SWAP70: variants seen among roughly 807,000 people sequenced by gnomAD.
SWAP70 encodes the protein switching B cell complex subunit SWAP70, also known as switch-associated protein 70.
A neutral mutation model predicts 80.2 loss-of-function variants in SWAP70; 34 were observed. That is an observed-to-expected ratio of 0.42 (90% CI 0.32 to 0.56). SWAP70 has a LOEUF of 0.56. SWAP70 is among the 20% of genes least tolerant of loss of function. The probability of loss-of-function intolerance (pLI) is 0.09; values close to 1 mark genes in which losing one functional copy is unlikely to be tolerated. For synonymous variants in SWAP70, 239 were observed against 238.5 expected (o/e 1.00, Z -0.02); for missense variants, 578 against 690.7 (o/e 0.84, Z 1.83).
chr11:9,674,060 C>T (rs570639128), intron 1 of SWAP70, among the ~76,000 whole-genome samples: 143 of 152,136 alleles, frequency 9.4e-4, no homozygotes, highest in South Asian at 4.0e-3. Context: ...CCACCATACC[C>T]GGCTAATTTT....
At chr11:9,678,502 A>T (rs1196563247) in intron 1 of SWAP70, among the ~76,000 whole-genome samples, 2 of 144,524 alleles carry the variant, frequency 1.4e-5, no homozygotes, top group Admixed American at 1.4e-4. Context: ...TTTGGGAAAT[A>T]CATGTACTTT....
chr11:9,682,767 C>T (rs1346345962), intron 1 of SWAP70, among the ~76,000 whole-genome samples: 2 of 152,186 alleles, frequency 1.3e-5, no homozygotes, highest in Non-Finnish European at 2.9e-5. Flanking sequence ...ACCTCCGCCT[C>T]CCGGGTTCAA....
chr11:9,664,277 A>G lies in SWAP70; in HGVS notation c.98A>G (p.Lys33Arg), dbSNP rs1224419873. ...GGCAAGGTCTCCAAGTCCCAGCTCA[A>G]GGTGGGCGCCTCCTGACCCGGCCCC... ...HSGKVSKSQLKVLSHNLCTVL... is the reference protein window; with the variant it reads ...HSGKVSKSQLRVLSHNLCTVL... Residue 33 changes from lysine (K) to arginine (R), a missense_variant and splice_region_variant, in exon 1 of 12, where the codon AAG becomes AGG. By Grantham distance (26) the Lys-to-Arg change is conservative. Coordinates refer to ENST00000318950, the MANE Select transcript of SWAP70 (RefSeq NM_015055.4). The G allele has an allele frequency of 6.4e-7, 1 of 1,570,676 alleles. No homozygotes were observed. The highest frequency in any genetic ancestry group is 1.2e-5 in the South Asian group (1 of 85,168).
intron 9 of SWAP70, among the ~76,000 whole-genome samples, chr11:9,742,585 T>A (rs1037202038): frequency 1.3e-5 from 2 of 152,302 alleles, no homozygotes; most frequent in Middle Eastern, 3.4e-3. Context: ...TCCGCCTGTC[T>A]CGGTCTCCCA....
At chr11:9,737,060 A>G (rs917452812) in intron 7 of SWAP70, among the ~76,000 whole-genome samples, 1 of 152,208 alleles carries the variant, frequency 6.6e-6, no homozygotes, top group African/African-American at 2.4e-5. Flanking sequence ...CAACAAACCA[A>G]CAACACTTTT....
At chr11:9,717,971 T>C (rs1590035822) in intron 3 of SWAP70, among the ~76,000 whole-genome samples, 1 of 152,228 alleles carries the variant, frequency 6.6e-6, no homozygotes, top group African/African-American at 2.4e-5. Context: ...TTTCTGACTA[T>C]TGTGCCTAAG....
chr11:9,738,474 T>C (rs1046208670), intron 8 of SWAP70, among the ~76,000 whole-genome samples, 154 bp downstream of exon 8: 2 of 152,206 alleles, frequency 1.3e-5, no homozygotes, highest in Admixed American at 6.5e-5. Context: ...GTTTGTTCAT[T>C]CATTAATTAT....
In SWAP70 at chr11:9,666,297, G is replaced by A. The variant is rs192286843; in HGVS notation, c.99+2019G>A. On this transcript the variant is annotated intron_variant, in intron 1 of 11. Transcript: ENST00000318950. ...AACGGGGTTTCACCATGTTGGCCAG[G>A]CTGGTCTTGAACTCCTGAGCTCAGG... 7.2e-5 allele frequency among the ~76,000 whole-genome samples: 11 copies of A among 152,104 alleles called. No individual in the cohort carries two copies. In the East Asian group the frequency reaches 2.1e-3, roughly 29 times the overall value.
Position 9,714,928 on chromosome 11 carries a change from C to T in SWAP70, c.414+1289C>T, listed in dbSNP as rs146508724. 6.0e-3 allele frequency among the ~76,000 whole-genome samples: 899 copies of T among 149,338 alleles called. 4 individuals carry two copies. The highest frequency in any genetic ancestry group is 8.0e-3 in the Non-Finnish European group (542 of 67,590). Reference sequence around the variant, plus strand: ...CCCAGGTTCAAATGATTCTGCACCCCGCGGAGTAGCTGTGATTACAGGTGC... The same window carrying T: ...CCCAGGTTCAAATGATTCTGCACCCTGCGGAGTAGCTGTGATTACAGGTGC... On this transcript the variant is annotated intron_variant, in intron 3 of 11. Transcript: ENST00000318950.
chr11:9,702,703 G>A (rs1850848810), intron 2 of SWAP70, among the ~76,000 whole-genome samples: 1 of 152,140 alleles, frequency 6.6e-6, no homozygotes, highest in Non-Finnish European at 1.5e-5. Context: ...TTATAGGTGT[G>A]AGCCACTGCA....
chr11:9,671,688 A>T (rs1282990775), intron 1 of SWAP70, among the ~76,000 whole-genome samples: 5 of 109,782 alleles, frequency 4.6e-5, no homozygotes, highest in African/African-American at 7.3e-5. Flanking sequence ...AGAAATATAT[A>T]AATATATTTC....
At chr11:9,729,783 C>T (rs1851273246) in intron 6 of SWAP70, among the ~76,000 whole-genome samples, 1 of 152,074 alleles carries the variant, frequency 6.6e-6, no homozygotes, top group East Asian at 1.9e-4. Flanking sequence ...TGAGCCACTA[C>T]GCCTGGCCGA....
intron 2 of SWAP70, chr11:9,703,567 C>G (rs971917349): frequency 6.7e-6 from 3 of 450,398 alleles, no homozygotes; most frequent in Middle Eastern, 3.5e-4. Context: ...CCAGAGCTAA[C>G]CAGCTCTCCT....
intron 7 of SWAP70, among the ~76,000 whole-genome samples, chr11:9,733,720 G>T (rs1265508974): frequency 6.6e-6 from 1 of 152,020 alleles, no homozygotes; most frequent in East Asian, 1.9e-4. Context: ...CCCTTTAAAG[G>T]TTACGCTGAG....
rs533797778 is a variant in SWAP70 at position 9,706,560 on chromosome 11, T to G, written c.241-6906T>G. 2.0e-5 allele frequency among the ~76,000 whole-genome samples: 3 copies of G among 152,324 alleles called. No individual in the cohort carries two copies. In the South Asian group the frequency reaches 6.2e-4, roughly 32 times the overall value. On this transcript the variant is annotated intron_variant, in intron 2 of 11. Transcript: ENST00000318950. ...GCCTCAACCTCTTTGCTCTTCTCTT[T>G]TGTCATTTCCCTGCCTCCTCCCGAG... is the stretch of plus-strand genomic sequence containing the variant.
At chr11:9,675,626 C>T (rs1037393620) in intron 1 of SWAP70, among the ~76,000 whole-genome samples, 5 of 151,896 alleles carry the variant, frequency 3.3e-5, no homozygotes, top group Non-Finnish European at 4.4e-5. Context: ...TAGGTTTTCT[C>T]GAATCTTTAA....
At chr11:9,699,315 A>G (rs1485311690) in intron 2 of SWAP70, among the ~76,000 whole-genome samples, 1 of 152,182 alleles carries the variant, frequency 6.6e-6, no homozygotes, top group East Asian at 1.9e-4. Flanking sequence ...TATGTGAATT[A>G]TATCTCAATA....
intron 2 of SWAP70, among the ~76,000 whole-genome samples, chr11:9,702,470 G>A (rs2134456956): frequency 6.6e-6 from 1 of 151,884 alleles, no homozygotes; most frequent in East Asian, 1.9e-4. Context: ...GGAGTGCAGT[G>A]ACATGATCAT....
chr11:9,721,459 T>TTTTC (rs1851136266), intron 3 of SWAP70, among the ~76,000 whole-genome samples: 2 of 145,106 alleles, frequency 1.4e-5, no homozygotes, highest in South Asian at 4.3e-4. Context: ...TTAATATATT[T>TTTTC]TTTCTTTCTT....
Sources: gnomAD v4.1 joint callset for allele counts (sites outside exome capture counted in the v4.1 genomes callset) on GRCh38, gnomAD v4.1.1 for gene constraint, MANE v1.5 for transcripts, NCBI Gene and HGNC (gene_info 2026-07-23, HGNC 2026-07-21) for gene names.